DMD: variants seen among roughly 807,000 people sequenced by gnomAD.
The protein encoded by DMD is dystrophin.
A neutral mutation model predicts 330.1 loss-of-function variants in DMD; 63 were observed. The ratio of observed to expected loss-of-function variants is 0.19; its 90% CI spans 0.16 to 0.24. DMD has a LOEUF of 0.24. Among genes scored for constraint, DMD ranks in the 10% least tolerant of loss-of-function variants. DMD has a pLI of 1.00. For synonymous variants in DMD, 1,223 were observed against 959.8 expected (o/e 1.27, Z -5.07); for missense variants, 3,344 against 2,684.1 (o/e 1.25, Z -5.43).
chrX:32,759,843 T>TGGGG (rs748482113), intron 7 of DMD, among the ~76,000 whole-genome samples: 1 of 35,198 alleles, frequency 2.8e-5, no homozygotes, highest in Non-Finnish European at 4.3e-5. Context: ...AGGTTTTTCT[T>TGGGG]GGGGGGGGGG....
intron 2 of DMD, among the ~76,000 whole-genome samples, chrX:32,891,791 A>G (rs2085227975): frequency 9.5e-6 from 1 of 104,867 alleles, no homozygotes; most frequent in Admixed American, 1.1e-4. Context: ...AAAACTGACA[A>G]CTCCAAGGCT....
At chrX:32,403,982 C>G (rs1055930492) in intron 30 of DMD, among the ~76,000 whole-genome samples, 4 of 111,838 alleles carry the variant, frequency 3.6e-5, no homozygotes, top group African/African-American at 9.7e-5. Context: ...CCTATTTACA[C>G]TATAAGAGTC....
At chrX:32,035,428 T>C (rs2095935089) in intron 44 of DMD, 1 of 147,418 alleles carries the variant, frequency 6.8e-6, no homozygotes. Context: ...GGGAAAGAAA[T>C]GTATTGAGTA....
chrX:32,343,372 T>C, intron 39 of DMD, 86 bp from the exon 40 acceptor site: 6 of 880,994 alleles, frequency 6.8e-6, no homozygotes, highest in Non-Finnish European at 9.7e-6. Context: ...ATAATTTGCG[T>C]CCCTCATCTT....
intron 2 of DMD, among the ~76,000 whole-genome samples, chrX:32,918,130 T>G (rs1361512978): frequency 9.0e-6 from 1 of 111,337 alleles, no homozygotes; most frequent in Non-Finnish European, 1.9e-5. Context: ...TATTTAGATT[T>G]CCTATTTTAT....
At chrX:32,890,337 G>C (rs779687554) in intron 2 of DMD, among the ~76,000 whole-genome samples, 1 of 107,302 alleles carries the variant, frequency 9.3e-6, no homozygotes, top group African/African-American at 3.4e-5. Flanking sequence ...TAAACCTTTC[G>C]TTGAAATTAA....
chrX:31,660,585 G>T (rs1219426297), intron 53 of DMD, among the ~76,000 whole-genome samples: 1 of 111,388 alleles, frequency 9.0e-6, no homozygotes, highest in Non-Finnish European at 1.9e-5. Flanking sequence ...CAATAACTTG[G>T]TTACCTTTTT....
chrX:31,622,358 G>A (rs780825520), intron 55 of DMD, among the ~76,000 whole-genome samples: 52 of 108,947 alleles, frequency 4.8e-4, no homozygotes, highest in African/African-American at 1.7e-3. Context: ...AAAGTTTTAC[G>A]AACAATATTG....
chrX:32,363,283 A>G (rs903602914), intron 36 of DMD, among the ~76,000 whole-genome samples: 1 of 111,957 alleles, frequency 8.9e-6, no homozygotes, highest in African/African-American at 3.2e-5. Flanking sequence ...TGTTGCAACT[A>G]TCATAATATA....
chrX:32,947,050 T>C (rs1306867845), intron 2 of DMD, among the ~76,000 whole-genome samples: 1 of 112,264 alleles, frequency 8.9e-6, no homozygotes, highest in Non-Finnish European at 1.9e-5. Flanking sequence ...TTTAACAAAT[T>C]AGTAAACAAG....
At chrX:32,994,893 A>G (rs1314582174) in intron 2 of DMD, among the ~76,000 whole-genome samples, 1 of 112,400 alleles carries the variant, frequency 8.9e-6, no homozygotes, top group Non-Finnish European at 1.9e-5. Flanking sequence ...CAGGTAGATC[A>G]CCTGAGCTAT....
intron 62 of DMD, among the ~76,000 whole-genome samples, chrX:31,264,773 C>G (rs889078501): frequency 1.8e-5 from 2 of 112,275 alleles, no homozygotes; most frequent in African/African-American, 6.5e-5. Context: ...CTCTACTGAG[C>G]ACAAGGCTGA....
intron 52 of DMD, among the ~76,000 whole-genome samples, chrX:31,707,050 T>A (rs1189142540): frequency 9.5e-6 from 1 of 105,544 alleles, no homozygotes; most frequent in East Asian, 3.2e-4. Flanking sequence ...ACTGACCTTT[T>A]AATCTCGTTG....
intron 4 of DMD, among the ~76,000 whole-genome samples, chrX:32,836,880 G>A (rs1400787093): frequency 8.9e-6 from 1 of 111,878 alleles, no homozygotes; most frequent in Non-Finnish European, 1.9e-5. Context: ...TGTGTATGTG[G>A]CAGGAAATTT....
intron 1 of DMD, among the ~76,000 whole-genome samples, chrX:33,311,282 T>C (rs897704502): frequency 1.8e-5 from 2 of 109,887 alleles, no homozygotes. Flanking sequence ...TCATATTGCA[T>C]ATACATACTT....
chrX:32,156,664 ACACG>A (rs1557181287), intron 44 of DMD, among the ~76,000 whole-genome samples: 1 of 106,721 alleles, frequency 9.4e-6, no homozygotes, highest in Admixed American at 1.0e-4. Context: ...ACACACACAC[ACACG>A]CACGCAATTA....
intron 19 of DMD, among the ~76,000 whole-genome samples, chrX:32,495,044 G>A (rs991836436): frequency 9.0e-6 from 1 of 111,391 alleles, no homozygotes; most frequent in Non-Finnish European, 1.9e-5. Flanking sequence ...ATAATCATGT[G>A]AGATTGAAGT....
chrX:33,329,819 G>A (rs766716222), intron 1 of DMD, among the ~76,000 whole-genome samples: 42 of 111,679 alleles, frequency 3.8e-4, no homozygotes, highest in African/African-American at 9.4e-4. Context: ...TTCTTGCCTT[G>A]AGTAATTACT....
At chrX:31,411,854 A>C (rs1265776803) in intron 60 of DMD, among the ~76,000 whole-genome samples, 1 of 109,244 alleles carries the variant, frequency 9.2e-6, no homozygotes, top group Non-Finnish European at 1.9e-5. Flanking sequence ...GACTGGCCTC[A>C]AACTCCTGAC....
Sources: gnomAD v4.1 joint callset for allele counts (sites outside exome capture counted in the v4.1 genomes callset) on GRCh38, gnomAD v4.1.1 for gene constraint, MANE v1.5 for transcripts, NCBI Gene and HGNC (gene_info 2026-07-23, HGNC 2026-07-21) for gene names.